Variants in SYCP1 observed in about 807,000 individuals in gnomAD.
SYCP1 encodes the protein cancer/testis antigen 8.
A neutral mutation model predicts 153.1 loss-of-function variants in SYCP1; 64 were observed. The observed-to-expected ratio is 0.42, with a 90% confidence interval of 0.34 to 0.51. The LOEUF (loss-of-function observed/expected upper bound fraction) is 0.51. SYCP1 is among the 20% of genes least tolerant of loss of function. The probability of loss-of-function intolerance (pLI) is 0.06; values close to 1 mark genes in which losing one functional copy is unlikely to be tolerated. For missense variants in SYCP1, 997 were observed against 1,049.0 expected, an observed-to-expected ratio of 0.95 and a Z score of 0.68; for synonymous variants, 384 against 341.8, an observed-to-expected ratio of 1.12 and a Z score of -1.36.
intron 29 of SYCP1, 118 bp downstream of exon 29, chr1:114,981,630 A>AT (rs1193812465): frequency 9.9e-5 from 94 of 949,838 alleles, no homozygotes; most frequent in East Asian, 2.6e-4. Flanking sequence ...GAAAGTTTCA[A>AT]TTTTTTTTGT....
chr1:114,912,904 A>G, intron 18 of SYCP1, 129 bp from the exon 19 acceptor site: 1 of 617,596 alleles, frequency 1.6e-6, no homozygotes, highest in African/African-American at 1.9e-5. Flanking sequence ...ATAAACCAAT[A>G]GTCAATTTTG....
chr1:114,994,661 G>T, intron 30 of SYCP1, 37 bp from the exon 31 acceptor site: 1 of 1,447,580 alleles, frequency 6.9e-7, no homozygotes. Flanking sequence ...ATTAATGATG[G>T]TAAACCCAAC....
chr1:114,880,518 G>C (rs1665850361), intron 12 of SYCP1, among the ~76,000 whole-genome samples: 1 of 152,166 alleles, frequency 6.6e-6, no homozygotes, highest in South Asian at 2.1e-4. Flanking sequence ...CTGATTATCT[G>C]ATTCCAGTTA....
At chr1:114,950,982 G>A (rs535135605) in intron 27 of SYCP1, among the ~76,000 whole-genome samples, 1 of 152,052 alleles carries the variant, frequency 6.6e-6, no homozygotes, top group Admixed American at 6.6e-5. Context: ...CTGCCACCAC[G>A]CCTGGATAAT....
chr1:114,967,943 G>T (rs900412870), intron 27 of SYCP1, among the ~76,000 whole-genome samples: 1 of 152,064 alleles, frequency 6.6e-6, no homozygotes, highest in African/African-American at 2.4e-5. Context: ...TTTAAGGTTA[G>T]TTTGGCTGGA....
intron 15 of SYCP1, among the ~76,000 whole-genome samples, chr1:114,892,470 G>C (rs193095404): frequency 6.6e-6 from 1 of 152,182 alleles, no homozygotes; most frequent in African/African-American, 2.4e-5. Flanking sequence ...ATGTGACCCC[G>C]CTGCTGGGGG....
At chr1:114,885,173 A>G (rs1666207929) in intron 12 of SYCP1, among the ~76,000 whole-genome samples, 1 of 152,116 alleles carries the variant, frequency 6.6e-6, no homozygotes, top group Non-Finnish European at 1.5e-5. Context: ...TGTTTTATGA[A>G]TATCCAAATT....
At chr1:114,975,411 G>T (rs1672745230) in intron 27 of SYCP1, among the ~76,000 whole-genome samples, 1 of 150,420 alleles carries the variant, frequency 6.6e-6, no homozygotes, top group African/African-American at 2.4e-5. Context: ...TTAGTTTATT[G>T]ATTACCTTTA....
At chr1:114,903,121 A>G (rs1667582900) in intron 16 of SYCP1, among the ~76,000 whole-genome samples, 1 of 152,198 alleles carries the variant, frequency 6.6e-6, no homozygotes, top group South Asian at 2.1e-4. Flanking sequence ...CGGAGGTTGC[A>G]GTGAGCTGAG....
intron 30 of SYCP1, among the ~76,000 whole-genome samples, chr1:114,988,853 C>T (rs192653651): frequency 1.3e-4 from 20 of 151,892 alleles, no homozygotes; most frequent in Middle Eastern, 3.4e-3. Context: ...TGTTACTAGG[C>T]GCACAATGTA....
chr1:114,993,268 A>T (rs1184919829), intron 30 of SYCP1, among the ~76,000 whole-genome samples: 2 of 151,556 alleles, frequency 1.3e-5, no homozygotes, highest in Non-Finnish European at 3.0e-5. Context: ...TGACTTATTT[A>T]TTGAATTCTG....
Position 114,860,792 on chromosome 1 carries a change from C to T in SYCP1, c.581C>T (p.Ala194Val), listed in dbSNP as rs762222564. 5.0e-6 allele frequency: 8 copies of T among 1,587,740 alleles called. No homozygotes were observed. In the South Asian group the frequency reaches 9.3e-5, roughly 18 times the overall value. The change falls in exon 8 of 32, where the codon GCA becomes GTA. Residue 194 changes from alanine to valine, a missense_variant. Transcript: ENST00000369522. ...NLLKETCARS[A>V]EKTKKYEYER... ...CTCAAAGAAACCTGTGCTAGATCTG[C>T]AGAAAAGACAAAGAAATGTAAATAT...
chr1:114,876,218 T>TAATAAAA, intron 10 of SYCP1, 80 bp downstream of exon 10: 1 of 951,114 alleles, frequency 1.1e-6, no homozygotes, highest in Non-Finnish European at 1.5e-6. Context: ...AATGTCTTCA[T>TAATAAAA]CTCTTTAGCC....
chr1:114,940,699 A>G (rs939467525), intron 23 of SYCP1, among the ~76,000 whole-genome samples: 1 of 152,186 alleles, frequency 6.6e-6, no homozygotes, highest in Non-Finnish European at 1.5e-5. Context: ...ATATGGGGTC[A>G]CTTTTTGTAA....
Position 114,857,188 on chromosome 1 carries a change from A to G in SYCP1, c.194-44A>G, listed in dbSNP as rs777337936. The G allele has an allele frequency of 2.5e-5, 37 of 1,468,558 alleles. No homozygotes were observed. The Admixed American group carries it at 7.9e-4, about 31-fold the overall frequency. The allele number at this position is 1,468,558 out of a possible 1,614,324, so 91.0% of individuals were successfully genotyped here. On this transcript the variant is annotated intron_variant, in intron 3 of 31. Coordinates refer to ENST00000369522, the MANE Select transcript of SYCP1 (RefSeq NM_003176.4). ...AAAAGAAAAAAAAAAAGAAAGAGAA[A>G]AAGATGTTGGCGTATTTAATACCTG...
rs759611839 is a variant in SYCP1, at chr1:114,994,763, T to C, written c.2769T>C (p.His923=). The part of the protein sequence containing the change: ...LYRNNNPPAS[H]LCVKTPKKAP... Reference sequence around the variant, plus strand: ...GGAACAATAATCCACCAGCTTCTCATCTTTGTGTCAAAACACCAAAAAAGG... The same window carrying C: ...GGAACAATAATCCACCAGCTTCTCACCTTTGTGTCAAAACACCAAAAAAGG... Residue 923 remains histidine (H), a synonymous_variant, in exon 31 of 32, where the codon CAT becomes CAC. Coordinates refer to ENST00000369522, the MANE Select transcript of SYCP1 (RefSeq NM_003176.4). The C allele has an allele frequency of 6.3e-7, 1 of 1,593,502 alleles. No individual in the cohort carries two copies. Among genetic ancestry groups the C allele is most frequent in the Non-Finnish European group, 8.5e-7 (1 of 1,173,430 alleles).
chr1:114,917,767 C>T (rs1668601990), intron 20 of SYCP1, among the ~76,000 whole-genome samples: 2 of 152,018 alleles, frequency 1.3e-5, no homozygotes, highest in Non-Finnish European at 2.9e-5. Context: ...ACCTGTTTGC[C>T]ATTGGTATGT....
intron 7 of SYCP1, 108 bp downstream of exon 7, chr1:114,859,918 T>C (rs956051772): frequency 2.9e-6 from 1 of 346,854 alleles, no homozygotes. Flanking sequence ...TTATATCATA[T>C]GAATTTATAA....
At chr1:114,963,859 A>G (rs1027722641) in intron 27 of SYCP1, among the ~76,000 whole-genome samples, 3 of 152,150 alleles carry the variant, frequency 2.0e-5, no homozygotes, top group Non-Finnish European at 2.9e-5. Flanking sequence ...TTTATAGTAG[A>G]ATGATTTATA....
Sources: gnomAD v4.1 joint callset for allele counts (sites outside exome capture counted in the v4.1 genomes callset) on GRCh38, gnomAD v4.1.1 for gene constraint, MANE v1.5 for transcripts, NCBI Gene and HGNC (gene_info 2026-07-23, HGNC 2026-07-21) for gene names.